The following ELAPOR1 variants were observed in gnomAD, a reference collection of about 807,000 sequenced individuals.
ELAPOR1 encodes the protein endosome-lysosome associated apoptosis and autophagy regulator 1, also known as endosome/lysosome-associated apoptosis and autophagy regulator 1.
In ELAPOR1, 77 loss-of-function variants were observed where a neutral mutation model predicts 119.7. The observed-to-expected ratio is 0.64, with a 90% CI of 0.54 to 0.78. The LOEUF is 0.78. Ranked by LOEUF, ELAPOR1 falls within the 30% of genes least tolerant of loss-of-function variation. The pLI is 0.00. For synonymous variants in ELAPOR1, 481 were observed against 487.2 expected, an observed-to-expected ratio of 0.99 and a Z score of 0.17; for missense variants, 1,115 against 1,270.4, an observed-to-expected ratio of 0.88 and a Z score of 1.86.
chr1:109,123,149 G>T (rs1648552147), intron 1 of ELAPOR1, among the ~76,000 whole-genome samples: 1 of 152,176 alleles, frequency 6.6e-6, no homozygotes, highest in Non-Finnish European at 1.5e-5. Flanking sequence ...TTCACCCAGA[G>T]GTCTGACATT....
intron 17 of ELAPOR1, 103 bp from the exon 18 acceptor site, chr1:109,198,470 A>T: frequency 9.5e-7 from 1 of 1,047,924 alleles, no homozygotes; most frequent in Non-Finnish European, 1.4e-6. Flanking sequence ...CCAAGTCCTG[A>T]CTTCCCCAGC....
At chr1:109,134,037 G>A (rs1649307865) in intron 1 of ELAPOR1, among the ~76,000 whole-genome samples, 2 of 152,230 alleles carry the variant, frequency 1.3e-5, no homozygotes, top group African/African-American at 4.8e-5. Context: ...CTGGTCATGG[G>A]TGGGCGGAAG....
rs1653667460 is a variant in ELAPOR1, at chr1:109,194,590, A to C, written c.2117A>C (p.Asn706Thr). 6.2e-7 allele frequency: 1 copy of C among 1,613,700 alleles called. No homozygotes were observed. Among genetic ancestry groups the C allele is most frequent in the Non-Finnish European group, 8.5e-7 (1 of 1,179,700 alleles). The change falls in exon 15 of 22, where the codon AAC becomes ACC. Residue 706 changes from asparagine (N) to threonine (T), a missense_variant. Physicochemically the swap from Asn to Thr is moderately conservative, Grantham distance 65. Coordinates refer to ENST00000369939, the MANE Select transcript of ELAPOR1 (RefSeq NM_020775.5). ...FHHFTLSLCG[N>T]QGRKMSVCTD... ...CACTTTACCCTCAGTCTCTGTGGAAACCAGGTAAGGTATACCAGTTGACAG... is the reference window on the plus strand; with the variant it reads ...CACTTTACCCTCAGTCTCTGTGGAACCCAGGTAAGGTATACCAGTTGACAG...
intron 11 of ELAPOR1, among the ~76,000 whole-genome samples, chr1:109,190,385 C>G (rs1330428034): frequency 2.6e-5 from 4 of 152,200 alleles, no homozygotes; most frequent in African/African-American, 4.8e-5. Flanking sequence ...AACTGGAGGT[C>G]CTCAGAATTC....
At chr1:109,193,852 C>T (rs577847237) in intron 14 of ELAPOR1, among the ~76,000 whole-genome samples, 1 of 152,324 alleles carries the variant, frequency 6.6e-6, no homozygotes, top group East Asian at 1.9e-4. Context: ...CCCTCTGCTG[C>T]TGTGGGAGGG....
intron 18 of ELAPOR1, among the ~76,000 whole-genome samples, chr1:109,199,447 G>A (rs144451940): frequency 7.2e-5 from 11 of 152,110 alleles, no homozygotes; most frequent in African/African-American, 1.7e-4. Context: ...TATCCATACC[G>A]GAAGTTCATT....
chr1:109,130,098 T>C (rs181086216), intron 1 of ELAPOR1, among the ~76,000 whole-genome samples: 101 of 152,336 alleles, frequency 6.6e-4, no homozygotes, highest in Admixed American at 3.7e-3. Context: ...CTTGTGTGTG[T>C]CTCTGGGTCT....
chr1:109,114,326 C>G lies in ELAPOR1; in HGVS notation c.143C>G (p.Ala48Gly). The G allele has an allele frequency of 6.3e-7, 1 of 1,591,784 alleles. No individual in the cohort carries two copies. Among genetic ancestry groups the G allele is most frequent in the Non-Finnish European group, 8.6e-7 (1 of 1,169,298 alleles). ...CAGGGAACGGGACCGGAGCTTCATG[C>G]CTGCAAAGAGGTACTGCCGCCCCCC... ...VTQGTGPELH[A>G]CKESEYHYEY... Residue 48 changes from alanine (A) to glycine (G), a missense_variant, in exon 1 of 22, where the codon GCC (alanine) becomes GGC (glycine). Ala to Gly is a moderately conservative substitution (Grantham distance 60). Transcript: ENST00000369939.
chr1:109,137,100 A>G (rs1424703409), intron 1 of ELAPOR1, among the ~76,000 whole-genome samples: 1 of 152,202 alleles, frequency 6.6e-6, no homozygotes, highest in Admixed American at 6.6e-5. Context: ...AGCAGGTATA[A>G]TGCCCTCTTC....
rs986170005 is a variant in ELAPOR1, at chr1:109,143,170, G to A, written c.154-18724G>A. Among the ~76,000 whole-genome samples the A allele has an allele frequency of 3.3e-5, 5 of 152,212 alleles. No individual in the cohort carries two copies. The South Asian group carries it at 6.2e-4, about 19-fold the overall frequency. ...TTGCCATATTGGCCAGGCTGGTCTC[G>A]AAGTCCTGGCCTCAAGAGATCCACC... On this transcript the variant is annotated intron_variant, in intron 1 of 21. Coordinates refer to ENST00000369939, the MANE Select transcript of ELAPOR1 (RefSeq NM_020775.5).
chr1:109,197,408 C>T lies in ELAPOR1; in HGVS notation c.2122-66C>T, dbSNP rs572590075. 10 of 1,432,188 alleles carry T rather than the reference C, an allele frequency of 7.0e-6. 1 individual carries two copies. In the African/African-American group the frequency reaches 8.4e-5, roughly 12 times the overall value. 88.7% of individuals were successfully genotyped at this position (1,432,188 alleles called of 1,614,324 possible). A position where few individuals can be genotyped will look rare whatever the true frequency, so the allele number is the denominator to read the frequency against. On this transcript the variant is annotated intron_variant, in intron 15 of 21. Coordinates refer to ENST00000369939, the MANE Select transcript of ELAPOR1 (RefSeq NM_020775.5). Reference sequence around the variant, plus strand: ...TAGATGTAAAAAAGCCTTCCCTATTCCCTTCTGGGAATTCCTCTGTGACCA... The same window carrying T: ...TAGATGTAAAAAAGCCTTCCCTATTTCCTTCTGGGAATTCCTCTGTGACCA...
At chr1:109,154,341 A>T (rs116107905) in intron 1 of ELAPOR1, among the ~76,000 whole-genome samples, 96 of 152,020 alleles carry the variant, frequency 6.3e-4, no homozygotes, top group Non-Finnish European at 1.3e-3. Context: ...ACAGATTTCC[A>T]TATCAGTACC....
chr1:109,143,562 A>C (rs533686011), intron 1 of ELAPOR1, among the ~76,000 whole-genome samples: 1 of 152,216 alleles, frequency 6.6e-6, no homozygotes, highest in South Asian at 2.1e-4. Context: ...AATCTTGTGA[A>C]TATATTAAAA....
Position 109,161,953 on chromosome 1 carries a change from C to T in ELAPOR1, c.213C>T (p.Ala71=), listed in dbSNP as rs774284799. ...GCACGGGTTCCAGGTGGAGGGTCGC[C>T]GTGCCGCATACCCCGGGCCTGTGCA... ...CDSTGSRWRV[A]VPHTPGLCTS... The change falls in exon 2 of 22, where the codon GCC becomes GCT. Residue 71 remains alanine, a synonymous_variant. Transcript: ENST00000369939. 4.2e-5 allele frequency: 67 copies of T among 1,613,898 alleles called. No homozygotes were observed. Among genetic ancestry groups the T allele is most frequent in the South Asian group, 3.6e-4 (33 of 91,088 alleles).
intron 7 of ELAPOR1, among the ~76,000 whole-genome samples, chr1:109,175,285 C>CTCTG (rs1324702106): frequency 6.6e-5 from 10 of 151,896 alleles, no homozygotes; most frequent in Non-Finnish European, 1.3e-4. Context: ...TCACCACAAC[C>CTCTG]TCTGCCTCCC....
intron 8 of ELAPOR1, among the ~76,000 whole-genome samples, chr1:109,185,536 T>G (rs1652994255): frequency 6.6e-6 from 1 of 152,178 alleles, no homozygotes; most frequent in African/African-American, 2.4e-5. Context: ...CTGCCTATGG[T>G]CTGACTTGTT....
intron 7 of ELAPOR1, among the ~76,000 whole-genome samples, chr1:109,179,246 C>CA (rs1210652681): frequency 2.7e-5 from 4 of 150,696 alleles, no homozygotes; most frequent in Non-Finnish European, 5.9e-5. Context: ...ACTAAAAATT[C>CA]AAAAAATTGG....
chr1:109,176,758 C>T (rs1369225539), intron 7 of ELAPOR1, among the ~76,000 whole-genome samples: 1 of 140,584 alleles, frequency 7.1e-6, no homozygotes. Context: ...TGCGGCCTTC[C>T]GCAGTGTTTG....
At chr1:109,146,585 C>T (rs987547260) in intron 1 of ELAPOR1, among the ~76,000 whole-genome samples, 1 of 152,136 alleles carries the variant, frequency 6.6e-6, no homozygotes, top group African/African-American at 2.4e-5. Context: ...CTTTTGAGAA[C>T]CCACTTTTCT....
Sources: gnomAD v4.1 joint callset for allele counts (sites outside exome capture counted in the v4.1 genomes callset) on GRCh38, gnomAD v4.1.1 for gene constraint, MANE v1.5 for transcripts, NCBI Gene and HGNC (gene_info 2026-07-23, HGNC 2026-07-21) for gene names.